The following MYH9 variants were observed in gnomAD, a reference collection of about 807,000 sequenced individuals.
MYH9 encodes myosin heavy chain 9.
In MYH9, 29 loss-of-function variants were observed where a neutral mutation model predicts 241.9. The ratio of observed to expected loss-of-function variants is 0.12; its 90% CI spans 0.09 to 0.16. The LOEUF is 0.16. MYH9 is among the 10% of genes least tolerant of loss of function. The probability of loss-of-function intolerance (pLI) is 1.00; values close to 1 mark genes in which losing one functional copy is unlikely to be tolerated. For synonymous variants in MYH9, 1,047 were observed against 1,062.6 expected (o/e 0.99, Z 0.29); for missense variants, 1,803 against 2,595.5 (o/e 0.69, Z 6.63).
At chr22:36,349,450 C>T (rs1337221757) in intron 1 of MYH9, among the ~76,000 whole-genome samples, 195 bp from the exon 2 acceptor site, 4 of 152,188 alleles carry the variant, frequency 2.6e-5, no homozygotes, top group Admixed American at 2.6e-4. Context: ...ACAAGTTGGG[C>T]CCAGGACAGT....
At chr22:36,336,806 C>T (rs1377046632) in intron 3 of MYH9, among the ~76,000 whole-genome samples, 1 of 152,228 alleles carries the variant, frequency 6.6e-6, no homozygotes, top group African/African-American at 2.4e-5. Flanking sequence ...CAGGTGTAGG[C>T]ACCAAATGTC....
chr22:36,376,115 C>A (rs2018163515), intron 1 of MYH9, among the ~76,000 whole-genome samples: 1 of 151,808 alleles, frequency 6.6e-6, no homozygotes, highest in Non-Finnish European at 1.5e-5. Flanking sequence ...GCATGCACCA[C>A]CACACCCGGC....
At chr22:36,289,538 A>G (rs1406060978) in intron 31 of MYH9, among the ~76,000 whole-genome samples, 1 of 152,236 alleles carries the variant, frequency 6.6e-6, no homozygotes, top group Admixed American at 6.5e-5. Flanking sequence ...ACGTCTGTTT[A>G]ATTTTCATCA....
intron 1 of MYH9, among the ~76,000 whole-genome samples, chr22:36,381,390 A>C (rs903121596): frequency 2.0e-5 from 3 of 151,704 alleles, no homozygotes; most frequent in African/African-American, 7.3e-5. Context: ...AGTGGCGCAC[A>C]CCTGTAATCC....
intron 24 of MYH9, among the ~76,000 whole-genome samples, chr22:36,297,749 G>A (rs1362831243): frequency 6.6e-6 from 1 of 152,200 alleles, no homozygotes; most frequent in Non-Finnish European, 1.5e-5. Flanking sequence ...TTCATCGCAC[G>A]CTCTGATCAA....
At chr22:36,365,553 T>C (rs1038015575) in intron 1 of MYH9, among the ~76,000 whole-genome samples, 3 of 152,040 alleles carry the variant, frequency 2.0e-5, no homozygotes, top group Non-Finnish European at 2.9e-5. Flanking sequence ...TGCAACCTCC[T>C]GGGTTCAAGC....
intron 3 of MYH9, among the ~76,000 whole-genome samples, chr22:36,335,888 G>A (rs1170923700): frequency 6.6e-6 from 1 of 152,178 alleles, no homozygotes; most frequent in Non-Finnish European, 1.5e-5. Flanking sequence ...TGAATTCGAA[G>A]AGCCATGCTC....
rs139176444 is a variant in MYH9, at chr22:36,308,767, G to A, written c.1843+515C>T. ...AAGCATTTCTTGCACAGCTTTGGAC[G>A]CACCACACACACAAGAGACACCACT... On this transcript the variant is annotated intron_variant, in intron 15 of 40. Coordinates refer to ENST00000216181, the MANE Select transcript of MYH9 (RefSeq NM_002473.6). 22 of 957,512 alleles carry A rather than the reference G, an allele frequency of 2.3e-5. No individual in the cohort carries two copies. In the South Asian group the frequency reaches 4.4e-4, roughly 19 times the overall value. 59.3% of individuals were successfully genotyped at this position (957,512 alleles called of 1,614,324 possible).
At chr22:36,303,356 G>T (rs568385858) in intron 19 of MYH9, among the ~76,000 whole-genome samples, 1 of 151,948 alleles carries the variant, frequency 6.6e-6, no homozygotes, top group Admixed American at 6.6e-5. Context: ...GGGTTCTTTA[G>T]GGACAGGCAG....
chr22:36,322,297 G>T, intron 6 of MYH9, 132 bp downstream of exon 6: 3 of 1,018,086 alleles, frequency 2.9e-6, no homozygotes, highest in South Asian at 1.3e-5. Flanking sequence ...TAGTCCACAC[G>T]ACAGGCCAGA....
rs371416304 is a variant in MYH9 at position 36,293,790 on chromosome 22, G to A, written c.3911C>T (p.Ser1304Phe). 4 of 1,613,884 alleles carry A rather than the reference G, an allele frequency of 2.5e-6. No individual in the cohort carries two copies. Among genetic ancestry groups the A allele is most frequent in the Non-Finnish European group, 3.4e-6 (4 of 1,179,978 alleles). ...SKSSKLTKDF[S>F]ALESQLQDTQ... is the part of the protein sequence containing the mutation. ...GTCCTGCAGCTGGGACTCCAGCGCG[G>A]AGAAGTCCTTGGTGAGCTTGCTGGA... The change falls in exon 29 of 41, where the codon TCC (serine) becomes TTC (phenylalanine). Residue 1304 changes from serine (S) to phenylalanine (F), a missense_variant. By Grantham distance (155) the Ser-to-Phe change is radical. This residue lies in a region of MYH9 where 876 missense variants were observed against 1,077.8 expected (regional missense o/e 0.81). Transcript: ENST00000216181. This position sits in a 1 kb window ranked among gnomAD's most constrained non-coding sequence, Gnocchi z 5.1.
intron 34 of MYH9, 88 bp from the exon 35 acceptor site, chr22:36,286,934 T>G (rs1039677597): frequency 1.3e-6 from 2 of 1,576,954 alleles, no homozygotes; most frequent in African/African-American, 2.7e-5. Context: ...ACAGGGCTCA[T>G]GGCTGGTGCT....
In MYH9 at chr22:36,284,214, C is replaced by T. The variant is rs1355600745; in HGVS notation, c.5644G>A (p.Ala1882Thr). ...LKQLKRQLEE[A>T]EEEAQRANAS... is the part of the protein sequence containing the mutation. ...TTGGCCCGCTGGGCCTCCTCTTCGGCCTCCTCCAGCTGCCGCTTGAGCTGC... is the reference window on the plus strand; with the variant it reads ...TTGGCCCGCTGGGCCTCCTCTTCGGTCTCCTCCAGCTGCCGCTTGAGCTGC... Residue 1882 changes from alanine to threonine, a missense_variant, in exon 40 of 41, where the codon GCC becomes ACC. Physicochemically the swap from Ala to Thr is moderately conservative, Grantham distance 58. Coordinates refer to ENST00000216181, the MANE Select transcript of MYH9 (RefSeq NM_002473.6). 7.4e-6 allele frequency: 12 copies of T among 1,613,022 alleles called. No individual in the cohort carries two copies. The highest frequency in any genetic ancestry group is 9.3e-6 in the Non-Finnish European group (11 of 1,179,750).
chr22:36,383,633 G>A (rs2018291588), intron 1 of MYH9, among the ~76,000 whole-genome samples: 1 of 146,218 alleles, frequency 6.8e-6, no homozygotes, highest in Non-Finnish European at 1.5e-5. Context: ...ATAACCTAGG[G>A]AGTTAAGACT....
intron 11 of MYH9, 110 bp downstream of exon 11, chr22:36,318,097 G>A: frequency 1.1e-6 from 1 of 935,142 alleles, no homozygotes; most frequent in Non-Finnish European, 1.8e-6. Flanking sequence ...GGAATCATGT[G>A]AAAGTGCCTG....
In MYH9 at chr22:36,284,279, C is replaced by A. The variant is rs201676960; in HGVS notation, c.5593-14G>T. 3.1e-4 allele frequency: 494 copies of A among 1,607,082 alleles called. No individual in the cohort carries two copies. The African/African-American group carries it at 5.7e-3, about 19-fold the overall frequency. ...TGCCTTGTCGGCCTGCGGAGATGGACGTGTGGCCCGTGGCCCCGGTTAGGG... is the reference window on the plus strand; with the variant it reads ...TGCCTTGTCGGCCTGCGGAGATGGAAGTGTGGCCCGTGGCCCCGGTTAGGG... On this transcript the variant is annotated splice_polypyrimidine_tract_variant and intron_variant, in intron 39 of 40. Transcript: ENST00000216181.
At chr22:36,303,804 GA>G (rs912211246) in intron 19 of MYH9, among the ~76,000 whole-genome samples, 190 bp downstream of exon 19, 30 of 134,844 alleles carry the variant, frequency 2.2e-4, no homozygotes, top group African/African-American at 5.2e-4. Context: ...AAAAAAAAAA[GA>G]AAAAAAAAAG....
At chr22:36,327,886 G>A (rs1366242177) in intron 3 of MYH9, among the ~76,000 whole-genome samples, 1 of 152,200 alleles carries the variant, frequency 6.6e-6, no homozygotes, top group Non-Finnish European at 1.5e-5. Flanking sequence ...CCTGCTGCAG[G>A]TGCTCTAAAT....
rs57101170 is a variant in MYH9, at chr22:36,313,451, CAAAAAAAAAAAA to C, written c.1554+682_1554+693del. Among the ~76,000 whole-genome samples the C allele has an allele frequency of 1.5e-3, 82 of 52,932 alleles. No individual in the cohort carries two copies. The East Asian group carries it at 0.031, about 20-fold the overall frequency. 34.7% of individuals were successfully genotyped at this position (52,932 alleles called of 152,430 possible). ...TGGGCGACAGAGCGAGACTCCGTCTCAAAAAAAAAAAAAAAAAAAAAAAGAAGAAAACCCAGA... is the reference window on the plus strand; with the variant it reads ...TGGGCGACAGAGCGAGACTCCGTCTCAAAAAAAAAAAGAAGAAAACCCAGA... On this transcript the variant is annotated intron_variant, in intron 13 of 40. Transcript: ENST00000216181.
Sources: allele counts gnomAD v4.1 joint callset (sites outside exome capture counted in the v4.1 genomes callset), GRCh38; gene constraint gnomAD v4.1.1; regional missense constraint gnomAD v4.1.1; non-coding constraint Gnocchi (gnomAD v3.1); transcripts MANE v1.5; gene names NCBI Gene and HGNC (gene_info 2026-07-23, HGNC 2026-07-21).